The following HCN1 variants were observed in gnomAD, a reference collection of about 807,000 sequenced individuals.
HCN1 encodes hyperpolarization activated cyclic nucleotide gated potassium channel 1.
A neutral mutation model predicts 78.9 loss-of-function variants in HCN1; 13 were observed. That is an observed-to-expected ratio of 0.16 (90% CI 0.11 to 0.26). The LOEUF (loss-of-function observed/expected upper bound fraction) is 0.26. Among genes scored for constraint, HCN1 ranks in the 10% least tolerant of loss-of-function variants. The pLI is 1.00. For synonymous variants in HCN1, 552 were observed against 455.5 expected (o/e 1.21, Z -2.70); for missense variants, 810 against 1,154.3 (o/e 0.70, Z 4.32).
chr5:45,339,518 A>G (rs1438909242), intron 5 of HCN1, among the ~76,000 whole-genome samples: 1 of 152,218 alleles, frequency 6.6e-6, no homozygotes, highest in East Asian at 1.9e-4. Context: ...AAGGCAGGCC[A>G]TGAAGAGCCT....
intron 2 of HCN1, among the ~76,000 whole-genome samples, chr5:45,517,203 A>G (rs942266827): frequency 6.6e-6 from 1 of 151,974 alleles, no homozygotes; most frequent in African/African-American, 2.4e-5. Context: ...ACCATAATTA[A>G]ACCACGATAG....
At chr5:45,391,626 C>T (rs531576691) in intron 4 of HCN1, among the ~76,000 whole-genome samples, 2 of 152,222 alleles carry the variant, frequency 1.3e-5, no homozygotes, top group South Asian at 4.1e-4. Flanking sequence ...GAGGCTCCAT[C>T]ATCTCCTGAA....
intron 6 of HCN1, among the ~76,000 whole-genome samples, chr5:45,279,814 T>C (rs1462147953): frequency 1.3e-5 from 2 of 152,040 alleles, no homozygotes; most frequent in African/African-American, 2.4e-5. Context: ...GTCCATAATA[T>C]CACCATAACA....
At chr5:45,580,428 C>T (rs921163172) in intron 2 of HCN1, among the ~76,000 whole-genome samples, 2 of 152,008 alleles carry the variant, frequency 1.3e-5, no homozygotes, top group African/African-American at 4.8e-5. Flanking sequence ...AACAACTCCC[C>T]CACTGCAGAT....
chr5:45,552,715 T>A (rs1355911146), intron 2 of HCN1, among the ~76,000 whole-genome samples: 1 of 151,944 alleles, frequency 6.6e-6, no homozygotes, highest in African/African-American at 2.4e-5. Flanking sequence ...AAAAATAGCA[T>A]TTAGCTTACA....
chr5:45,577,419 T>C (rs570781379), intron 2 of HCN1, among the ~76,000 whole-genome samples: 4 of 152,182 alleles, frequency 2.6e-5, no homozygotes, highest in African/African-American at 9.6e-5. Context: ...ATTGTATTTG[T>C]CTAAATGTAC....
intron 2 of HCN1, chr5:45,576,042 A>T (rs1743935356): frequency 6.6e-6 from 1 of 152,108 alleles, no homozygotes; most frequent in African/African-American, 2.4e-5. Context: ...TCAAAATATA[A>T]ACATTAAAAG....
chr5:45,504,986 G>T (rs1742268938), intron 2 of HCN1, among the ~76,000 whole-genome samples: 1 of 152,130 alleles, frequency 6.6e-6, no homozygotes, highest in African/African-American at 2.4e-5. Context: ...GTTCATTGTA[G>T]ATTCTGGATA....
intron 5 of HCN1, among the ~76,000 whole-genome samples, chr5:45,308,449 C>A (rs1745782136): frequency 6.6e-6 from 1 of 152,002 alleles, no homozygotes; most frequent in South Asian, 2.1e-4. Context: ...GCATGTAAAG[C>A]ATATTTTCTT....
chr5:45,425,694 T>G lies in HCN1; in HGVS notation c.1012-28984A>C, dbSNP rs1046203050. 3.9e-5 allele frequency among the ~76,000 whole-genome samples: 6 copies of G among 152,196 alleles called. No individual in the cohort carries two copies. In the East Asian group the frequency reaches 1.2e-3, roughly 29 times the overall value. ...CTTTGAATTAATTCTATGCTACACA[T>G]TTTAAAATGAATTAGAGATTTAGAA... On this transcript the variant is annotated intron_variant, in intron 3 of 7. Transcript: ENST00000303230.
chr5:45,283,356 A>G (rs145418152), intron 6 of HCN1, among the ~76,000 whole-genome samples: 3 of 152,178 alleles, frequency 2.0e-5, no homozygotes, highest in African/African-American at 2.4e-5. Context: ...GTAAACAGAC[A>G]ACCTACAGAA....
At chr5:45,309,766 G>T (rs1049116994) in intron 5 of HCN1, among the ~76,000 whole-genome samples, 7 of 152,110 alleles carry the variant, frequency 4.6e-5, no homozygotes, top group Non-Finnish European at 7.4e-5. Flanking sequence ...GATTCTGTTT[G>T]CCAGCATTTT....
chr5:45,449,809 A>C (rs1740878737), intron 3 of HCN1, among the ~76,000 whole-genome samples: 1 of 152,126 alleles, frequency 6.6e-6, no homozygotes, highest in Non-Finnish European at 1.5e-5. Flanking sequence ...TATGCATAAG[A>C]ATATTGAAAT....
intron 5 of HCN1, among the ~76,000 whole-genome samples, chr5:45,308,984 C>T (rs1399725584): frequency 6.6e-6 from 1 of 152,086 alleles, no homozygotes; most frequent in East Asian, 1.9e-4. Flanking sequence ...AATATTGATT[C>T]TTCTTATCCA....
chr5:45,321,627 A>AT lies in HCN1; in HGVS notation c.1378-17789dup, dbSNP rs911293585. On this transcript the variant is annotated intron_variant, in intron 5 of 7. Transcript: ENST00000303230. ...TTTTGCCCATTGGAGACTAATACCTATTTTTTTTGCTTAAATGTATTTCTT... is the reference window on the plus strand; with the variant it reads ...TTTTGCCCATTGGAGACTAATACCTATTTTTTTTTGCTTAAATGTATTTCTT... Among the ~76,000 whole-genome samples, 176 of 149,844 alleles carry AT rather than the reference A, an allele frequency of 1.2e-3. 1 individual carries two copies. The highest frequency in any genetic ancestry group is 0.011 in the East Asian group (58 of 5,132).
intron 1 of HCN1, among the ~76,000 whole-genome samples, chr5:45,660,842 C>T (rs1223874109): frequency 7.7e-6 from 1 of 130,004 alleles, no homozygotes; most frequent in Non-Finnish European, 1.6e-5. Flanking sequence ...TAGACTCCCA[C>T]ACATTAATAA....
At chr5:45,422,125 G>C (rs1740241564) in intron 3 of HCN1, among the ~76,000 whole-genome samples, 1 of 152,132 alleles carries the variant, frequency 6.6e-6, no homozygotes, top group Non-Finnish European at 1.5e-5. Context: ...TAAAAACACA[G>C]AGATGACAAC....
chr5:45,606,925 T>C (rs1198176297), intron 2 of HCN1, among the ~76,000 whole-genome samples: 1 of 151,882 alleles, frequency 6.6e-6, no homozygotes, highest in African/African-American at 2.4e-5. Context: ...AAAGACAATC[T>C]TTAAGGCTCA....
intron 6 of HCN1, among the ~76,000 whole-genome samples, chr5:45,280,537 GC>G (rs2111867276): frequency 6.6e-6 from 1 of 152,122 alleles, no homozygotes; most frequent in East Asian, 1.9e-4. Flanking sequence ...CATCTCCCTG[GC>G]CTCAATCTAC....
Sources: allele counts gnomAD v4.1 joint callset (sites outside exome capture counted in the v4.1 genomes callset), GRCh38; gene constraint gnomAD v4.1.1; transcripts MANE v1.5; gene names NCBI Gene and HGNC (gene_info 2026-07-23, HGNC 2026-07-21).